The following SLC4A10 variants were observed in gnomAD, a reference collection of about 807,000 sequenced individuals.
The protein encoded by SLC4A10 is sodium-driven chloride bicarbonate exchanger.
Under a neutral mutation model 137.7 loss-of-function variants are expected in SLC4A10, and 42 were observed. That is an observed-to-expected ratio of 0.30 (90% CI 0.24 to 0.39). SLC4A10 has a LOEUF of 0.39. SLC4A10 is among the 10% of genes least tolerant of loss of function. The pLI, the probability that SLC4A10 is intolerant of heterozygous loss-of-function variation, is 1.00. For missense variants in SLC4A10, 925 were observed against 1,355.0 expected, an observed-to-expected ratio of 0.68 and a Z score of 4.98; for synonymous variants, 474 against 464.1, an observed-to-expected ratio of 1.02 and a Z score of -0.27.
At chr2:161,850,545 G>A (rs1022712834) in intron 4 of SLC4A10, among the ~76,000 whole-genome samples, 2 of 152,104 alleles carry the variant, frequency 1.3e-5, no homozygotes, top group South Asian at 2.1e-4. Flanking sequence ...TATTTCTGTC[G>A]GGTTAGTAGT....
In SLC4A10 at chr2:161,946,710, T is replaced by G. The variant is rs560334895; in HGVS notation, c.2104-856T>G. Among the ~76,000 whole-genome samples, 4 of 152,172 alleles carry G rather than the reference T, an allele frequency of 2.6e-5. No homozygotes were observed. In the South Asian group the frequency reaches 8.3e-4, roughly 32 times the overall value. On this transcript the variant is annotated intron_variant, in intron 16 of 26. Coordinates refer to ENST00000446997, the MANE Select transcript of SLC4A10 (RefSeq NM_001178015.2). ...TTTTCCTGGAGGAAAAAAATTTTTTTGACTTTGCTGCCACCTCATGGCTAA... is the reference window on the plus strand; with the variant it reads ...TTTTCCTGGAGGAAAAAAATTTTTTGGACTTTGCTGCCACCTCATGGCTAA...
chr2:161,629,784 T>A (rs762496828), intron 1 of SLC4A10, among the ~76,000 whole-genome samples: 1 of 151,912 alleles, frequency 6.6e-6, no homozygotes, highest in African/African-American at 2.4e-5. Flanking sequence ...GAGTATTATA[T>A]AGTTGGAATC....
intron 1 of SLC4A10, among the ~76,000 whole-genome samples, chr2:161,671,564 A>G (rs1297426573): frequency 2.0e-5 from 3 of 152,170 alleles, no homozygotes; most frequent in African/African-American, 7.2e-5. Context: ...ACAAGGGCTG[A>G]AAAACTACCT....
At chr2:161,834,614 TGAG>T in intron 3 of SLC4A10, among the ~76,000 whole-genome samples, 1 of 151,518 alleles carries the variant, frequency 6.6e-6, no homozygotes, top group South Asian at 2.1e-4. Flanking sequence ...CTTTTAACCT[TGAG>T]GAGAAGTTTA....
At position 161,661,410 on chromosome 2, in the gene SLC4A10, GTTGCAGTGAGCCGAGA is replaced by G. The variant is rs546839390; in HGVS notation, c.48+36850_48+36865del. On this transcript the variant is annotated intron_variant, in intron 1 of 26. Coordinates refer to ENST00000446997, the MANE Select transcript of SLC4A10 (RefSeq NM_001178015.2). ...GAATCACTTGAACTGGGAGGCGGAG[GTTGCAGTGAGCCGAGA>G]TTGCACCACTGCACTCCAGCCTGGC... Among the ~76,000 whole-genome samples the G allele has an allele frequency of 3.9e-4, 60 of 152,314 alleles. No homozygotes were observed. In the East Asian group the frequency reaches 9.1e-3, roughly 23 times the overall value.
chr2:161,825,450 C>T (rs1369739795), intron 3 of SLC4A10, among the ~76,000 whole-genome samples: 1 of 152,150 alleles, frequency 6.6e-6, no homozygotes. Context: ...GGTTTTCTCA[C>T]CTGCACTCTT....
chr2:161,634,590 T>C (rs2034113104), intron 1 of SLC4A10, among the ~76,000 whole-genome samples: 1 of 152,002 alleles, frequency 6.6e-6, no homozygotes, highest in Admixed American at 6.6e-5. Context: ...ATAATAATTA[T>C]ACATATTTGT....
intron 15 of SLC4A10, among the ~76,000 whole-genome samples, chr2:161,938,674 C>T (rs1692058565): frequency 6.6e-6 from 1 of 150,854 alleles, no homozygotes; most frequent in South Asian, 2.1e-4. Context: ...CAACTGGTTT[C>T]CCCATGATCG....
chr2:161,687,123 T>A (rs2124883555), intron 1 of SLC4A10, among the ~76,000 whole-genome samples: 1 of 152,312 alleles, frequency 6.6e-6, no homozygotes, highest in African/African-American at 2.4e-5. Context: ...CCTCAGCTGA[T>A]GGGCTTCCCA....
intron 3 of SLC4A10, among the ~76,000 whole-genome samples, chr2:161,836,058 G>T (rs114228705): frequency 0.015 from 2,269 of 152,292 alleles, 62 homozygotes; most frequent in African/African-American, 0.052. Context: ...GTGACTGATG[G>T]CGTATTTATG....
At chr2:161,701,317 A>T (rs2043099668) in intron 1 of SLC4A10, among the ~76,000 whole-genome samples, 1 of 152,028 alleles carries the variant, frequency 6.6e-6, no homozygotes, top group African/African-American at 2.4e-5. Context: ...TGTCTGTGTT[A>T]GAATTTAAAA....
At chr2:161,870,148 A>G (rs990543424) in intron 6 of SLC4A10, among the ~76,000 whole-genome samples, 1 of 151,118 alleles carries the variant, frequency 6.6e-6, no homozygotes, top group African/African-American at 2.4e-5. Flanking sequence ...TATAATTATT[A>G]CATAAAATAT....
At chr2:161,664,720 T>TC (rs1270158188) in intron 1 of SLC4A10, among the ~76,000 whole-genome samples, 1 of 151,414 alleles carries the variant, frequency 6.6e-6, no homozygotes, top group Non-Finnish European at 1.5e-5. Context: ...CCTTTTTTTT[T>TC]TCCAATTTTT....
At chr2:161,773,231 TCA>T (rs2051880384) in intron 2 of SLC4A10, among the ~76,000 whole-genome samples, 2 of 151,860 alleles carry the variant, frequency 1.3e-5, no homozygotes, top group African/African-American at 4.8e-5. Context: ...GAGATTGAAC[TCA>T]CAGTCTCAAG....
At chr2:161,938,439 T>G (rs1022046834) in intron 15 of SLC4A10, among the ~76,000 whole-genome samples, 3 of 151,926 alleles carry the variant, frequency 2.0e-5, no homozygotes, top group Non-Finnish European at 4.4e-5. Flanking sequence ...ATTCATTACA[T>G]GCAAAATCAC....
At chr2:161,739,868 TG>T (rs1173336104) in intron 1 of SLC4A10, among the ~76,000 whole-genome samples, 3 of 152,206 alleles carry the variant, frequency 2.0e-5, no homozygotes, top group Admixed American at 1.3e-4. Flanking sequence ...TGCTGATAGC[TG>T]CTTGACTTTT....
intron 16 of SLC4A10, among the ~76,000 whole-genome samples, chr2:161,946,781 TG>T (rs1693890934): frequency 6.6e-6 from 1 of 152,040 alleles, no homozygotes; most frequent in African/African-American, 2.4e-5. Flanking sequence ...GAACTACAGT[TG>T]CAGAAGAAAA....
chr2:161,981,705 C>T (rs534725254), intron 26 of SLC4A10, among the ~76,000 whole-genome samples: 10 of 152,274 alleles, frequency 6.6e-5, no homozygotes, highest in South Asian at 4.1e-4. Context: ...GTTAAAAATA[C>T]GAGTTAGGGC....
intron 1 of SLC4A10, among the ~76,000 whole-genome samples, chr2:161,755,049 G>T (rs989895670): frequency 6.6e-6 from 1 of 151,982 alleles, no homozygotes; most frequent in African/African-American, 2.4e-5. Flanking sequence ...TCTTTTTAGT[G>T]TTCATTAGAT....
Sources: allele counts gnomAD v4.1 joint callset (sites outside exome capture counted in the v4.1 genomes callset), GRCh38; gene constraint gnomAD v4.1.1; transcripts MANE v1.5; gene names NCBI Gene and HGNC (gene_info 2026-07-23, HGNC 2026-07-21).